SYT9: variants seen among roughly 807,000 people sequenced by gnomAD.
SYT9 encodes the protein synaptotagmin-9.
SYT9 carries 22 observed loss-of-function variants against 48.4 expected under a neutral mutation model. That is an observed-to-expected ratio of 0.45 (90% confidence interval 0.32 to 0.65). The LOEUF is 0.65. Ranked by LOEUF, SYT9 falls within the 30% of genes least tolerant of loss-of-function variation. The pLI is 0.03. For synonymous variants in SYT9, 265 were observed against 245.0 expected, an observed-to-expected ratio of 1.08 and a Z score of -0.76; for missense variants, 577 against 622.0, an observed-to-expected ratio of 0.93 and a Z score of 0.77.
intron 3 of SYT9, among the ~76,000 whole-genome samples, chr11:7,388,739 T>C (rs1039163162): frequency 1.3e-5 from 2 of 152,204 alleles, no homozygotes; most frequent in Non-Finnish European, 2.9e-5. Context: ...CATGTTTTAT[T>C]TAGAAATATT....
chr11:7,280,767 A>G (rs1848479282), intron 1 of SYT9, among the ~76,000 whole-genome samples: 1 of 89,480 alleles, frequency 1.1e-5, no homozygotes, highest in African/African-American at 4.4e-5. Context: ...TAAGTACTAT[A>G]GATGTAAGTA....
At chr11:7,301,645 A>G (rs932880266) in intron 1 of SYT9, among the ~76,000 whole-genome samples, 1 of 152,222 alleles carries the variant, frequency 6.6e-6, no homozygotes, top group Non-Finnish European at 1.5e-5. Context: ...GTTCCTCATT[A>G]TATCTCTAGA....
chr11:7,409,614 C>A (rs1312196281), intron 3 of SYT9, among the ~76,000 whole-genome samples: 1 of 151,916 alleles, frequency 6.6e-6, no homozygotes, highest in African/African-American at 2.4e-5. Flanking sequence ...TGTATATTTC[C>A]AGAAATTTAT....
chr11:7,453,081 C>T (rs1159389657), intron 6 of SYT9, among the ~76,000 whole-genome samples: 2 of 151,868 alleles, frequency 1.3e-5, no homozygotes, highest in African/African-American at 2.4e-5. Flanking sequence ...CGCGCCCGGC[C>T]CTGAAACTCC....
chr11:7,243,869 C>T (rs1847765829), intron 1 of SYT9, among the ~76,000 whole-genome samples: 1 of 152,200 alleles, frequency 6.6e-6, no homozygotes, highest in Non-Finnish European at 1.5e-5. Context: ...AGAGTGACTG[C>T]AGCAGTTGCC....
At chr11:7,241,624 G>A (rs976886679) in intron 1 of SYT9, among the ~76,000 whole-genome samples, 1 of 152,198 alleles carries the variant, frequency 6.6e-6, no homozygotes, top group Non-Finnish European at 1.5e-5. Flanking sequence ...TAGGATCATG[G>A]ATTGATTGAT....
At chr11:7,401,895 T>C (rs2134075700) in intron 3 of SYT9, among the ~76,000 whole-genome samples, 1 of 152,042 alleles carries the variant, frequency 6.6e-6, no homozygotes, top group African/African-American at 2.4e-5. Context: ...TGTTTCATTT[T>C]CTCTTGTTTT....
chr11:7,419,539 TA>T (rs1223816742), intron 5 of SYT9, among the ~76,000 whole-genome samples: 5 of 152,228 alleles, frequency 3.3e-5, no homozygotes, highest in Middle Eastern at 3.4e-3. Context: ...AGGGACTTTT[TA>T]AAAAACTGCT....
intron 6 of SYT9, among the ~76,000 whole-genome samples, chr11:7,431,785 T>C (rs930888496): frequency 1.3e-5 from 2 of 152,238 alleles, no homozygotes; most frequent in Non-Finnish European, 2.9e-5. Context: ...AGCCATAAGC[T>C]TGGGCAGCTT....
chr11:7,368,274 G>T (rs1428166318), intron 3 of SYT9, among the ~76,000 whole-genome samples: 1 of 152,124 alleles, frequency 6.6e-6, no homozygotes, highest in Non-Finnish European at 1.5e-5. Context: ...TTTTTTGTCA[G>T]TCTGCACATT....
At chr11:7,437,798 C>A (rs1252796640) in intron 6 of SYT9, 1 of 152,228 alleles carries the variant, frequency 6.6e-6, no homozygotes, top group Admixed American at 6.5e-5. Context: ...AATATTTAAC[C>A]TTCCAGTTTG....
intron 1 of SYT9, among the ~76,000 whole-genome samples, chr11:7,297,208 A>C (rs2133928490): frequency 6.6e-6 from 1 of 152,296 alleles, no homozygotes; most frequent in Non-Finnish European, 1.5e-5. Context: ...AAGAATATCT[A>C]AGATTGAAGT....
intron 1 of SYT9, among the ~76,000 whole-genome samples, chr11:7,259,024 T>C (rs958716964): frequency 1.3e-5 from 2 of 152,104 alleles, no homozygotes; most frequent in Non-Finnish European, 2.9e-5. Flanking sequence ...CCAGTTCAAT[T>C]TGAATTTCAG....
At chr11:7,444,596 C>T (rs1336095912) in intron 6 of SYT9, 1 of 152,156 alleles carries the variant, frequency 6.6e-6, no homozygotes, top group East Asian at 1.9e-4. Context: ...ATTTTGAAGG[C>T]ACTGAAGTTT....
intron 3 of SYT9, among the ~76,000 whole-genome samples, chr11:7,408,408 G>A (rs140531558): frequency 2.3e-3 from 344 of 152,264 alleles, no homozygotes; most frequent in Admixed American, 3.9e-3. Context: ...GATTACAGGC[G>A]TGAGCCACCA....
Position 7,463,530 on chromosome 11 carries a change from C to T in SYT9, c.1468-3262C>T, listed in dbSNP as rs112176072. 3.3e-5 allele frequency among the ~76,000 whole-genome samples: 5 copies of T among 152,320 alleles called. 1 individual carries two copies. Among genetic ancestry groups the T allele is most frequent in the African/African-American group, 1.2e-4 (5 of 41,572 alleles). On this transcript the variant is annotated intron_variant, in intron 6 of 6. Coordinates refer to ENST00000318881, the MANE Select transcript of SYT9 (RefSeq NM_175733.4). ...CAACAGCAAAATTTACTCATGTCTT[C>T]TCCTGAGACAACTTTTTCAGAACTG...
chr11:7,324,513 T>A (rs1321269215), intron 3 of SYT9, among the ~76,000 whole-genome samples: 2 of 151,982 alleles, frequency 1.3e-5, no homozygotes, highest in African/African-American at 2.4e-5. Context: ...AAAACTTTTT[T>A]AAAATATGCA....
intron 3 of SYT9, among the ~76,000 whole-genome samples, chr11:7,396,815 T>C (rs1179327786): frequency 6.6e-6 from 1 of 152,164 alleles, no homozygotes; most frequent in African/African-American, 2.4e-5. Context: ...CCATTTAATT[T>C]TGATAAAGTA....
intron 3 of SYT9, among the ~76,000 whole-genome samples, chr11:7,336,551 T>TTC (rs1420793873): frequency 6.6e-6 from 1 of 152,218 alleles, no homozygotes; most frequent in Non-Finnish European, 1.5e-5. Flanking sequence ...TTCGATCATC[T>TTC]TCATATGGCT....
Sources: gnomAD v4.1 joint callset for allele counts (sites outside exome capture counted in the v4.1 genomes callset) on GRCh38, gnomAD v4.1.1 for gene constraint, MANE v1.5 for transcripts, NCBI Gene and HGNC (gene_info 2026-07-23, HGNC 2026-07-21) for gene names.